Variants in PDE1C observed in about 807,000 individuals in gnomAD.
PDE1C encodes the protein phosphodiesterase 1C.
PDE1C carries 62 observed loss-of-function variants against 93.1 expected under a neutral mutation model. The observed-to-expected ratio is 0.67, with a 90% confidence interval of 0.54 to 0.82. The LOEUF is 0.82. Ranked by LOEUF, PDE1C falls within the 40% of genes least tolerant of loss-of-function variation. The pLI, the probability that PDE1C is intolerant of heterozygous loss-of-function variation, is 0.00. For synonymous variants in PDE1C, 325 were observed against 310.1 expected, an observed-to-expected ratio of 1.05 and a Z score of -0.50; for missense variants, 742 against 884.6, an observed-to-expected ratio of 0.84 and a Z score of 2.04.
At chr7:31,723,551 G>A in the PDE1C span, among the ~76,000 whole-genome samples, 1 of 152,114 alleles carries the variant, frequency 6.6e-6, no homozygotes, top group African/African-American at 2.4e-5. Flanking sequence ...TGTCCTGTTT[G>A]TAATAAGCTG....
chr7:32,374,640 G>A (rs1030923788), intron 1 of PDE1C, among the ~76,000 whole-genome samples: 5 of 152,240 alleles, frequency 3.3e-5, no homozygotes, highest in Admixed American at 1.3e-4. Flanking sequence ...GGACATTGTG[G>A]AGCACAGTCA....
At chr7:32,401,167 T>C (rs1784935359) in intron 1 of PDE1C, among the ~76,000 whole-genome samples, 1 of 152,246 alleles carries the variant, frequency 6.6e-6, no homozygotes, top group Non-Finnish European at 1.5e-5. Context: ...ATTTTATGTA[T>C]GTATGTATGT....
At chr7:31,701,852 A>G in the PDE1C span, among the ~76,000 whole-genome samples, 131 of 152,370 alleles carry the variant, frequency 8.6e-4, no homozygotes, top group African/African-American at 3.0e-3. Flanking sequence ...ATTTTTAAAG[A>G]CATAATGCTA....
chr7:31,621,139 C>T, the PDE1C span, among the ~76,000 whole-genome samples: 16 of 152,000 alleles, frequency 1.1e-4, no homozygotes, highest in Non-Finnish European at 8.8e-5. Flanking sequence ...GATTGGTGTA[C>T]CTGAAAGTGA....
At chr7:31,957,316 C>CA (rs1283011935) in intron 2 of PDE1C, among the ~76,000 whole-genome samples, 1 of 151,930 alleles carries the variant, frequency 6.6e-6, no homozygotes, top group Non-Finnish European at 1.5e-5. Context: ...AGCTATCAGG[C>CA]ACAAATATAA....
chr7:32,422,086 A>T (rs1330648847), intron 1 of PDE1C, among the ~76,000 whole-genome samples: 1 of 152,138 alleles, frequency 6.6e-6, no homozygotes. Flanking sequence ...CAGTTCCTAG[A>T]GGTAATGCCA....
intron 2 of PDE1C, among the ~76,000 whole-genome samples, chr7:31,918,951 T>A (rs1037902410): frequency 1.3e-5 from 2 of 152,220 alleles, no homozygotes; most frequent in African/African-American, 4.8e-5. Flanking sequence ...TGAATGGCAT[T>A]GCTTTTCTTC....
chr7:32,077,242 AAAAC>A (rs747476544), intron 3 of PDE1C, among the ~76,000 whole-genome samples: 8 of 152,184 alleles, frequency 5.3e-5, no homozygotes, highest in African/African-American at 1.7e-4. Context: ...TCTATCTTAA[AAAAC>A]AAACAAACAA....
chr7:32,140,130 T>C lies in PDE1C; in HGVS notation c.308+29655A>G, dbSNP rs566995659. Among the ~76,000 whole-genome samples, 203 of 152,344 alleles carry C rather than the reference T, an allele frequency of 1.3e-3. 4 individuals are homozygous for C. The South Asian group carries it at 0.04, about 30-fold the overall frequency. ...CCAAAGCATTCTGATGCAGTTGCCATCTATTAAGTGCTGGATAGGCACTTA... is the reference window on the plus strand; with the variant it reads ...CCAAAGCATTCTGATGCAGTTGCCACCTATTAAGTGCTGGATAGGCACTTA... On this transcript the variant is annotated intron_variant, in intron 3 of 18. Transcript: ENST00000396193.
the PDE1C span, among the ~76,000 whole-genome samples, chr7:31,743,109 C>CCTACCCT: frequency 6.6e-6 from 1 of 152,152 alleles, no homozygotes; most frequent in Non-Finnish European, 1.5e-5. Context: ...AATTTTTTCT[C>CCTACCCT]CTACCCTCTA....
intron 2 of PDE1C, among the ~76,000 whole-genome samples, chr7:31,988,717 C>G (rs1250018330): frequency 6.6e-6 from 1 of 152,130 alleles, no homozygotes; most frequent in African/African-American, 2.4e-5. Flanking sequence ...TAAATACAGG[C>G]TTGGCACAGT....
intron 2 of PDE1C, among the ~76,000 whole-genome samples, chr7:31,963,333 C>A (rs1809327057): frequency 6.6e-6 from 1 of 152,102 alleles, no homozygotes; most frequent in South Asian, 2.1e-4. Flanking sequence ...CAAATATCTG[C>A]TTGTTTGTTT....
At chr7:31,889,903 T>C (rs1798412112) in intron 2 of PDE1C, among the ~76,000 whole-genome samples, 1 of 152,222 alleles carries the variant, frequency 6.6e-6, no homozygotes, top group Non-Finnish European at 1.5e-5. Context: ...CTTGGCCTTA[T>C]AAATAAGTGT....
intron 17 of PDE1C, among the ~76,000 whole-genome samples, chr7:31,758,577 G>C (rs1337340194): frequency 1.3e-5 from 2 of 152,178 alleles, no homozygotes; most frequent in African/African-American, 2.4e-5. Flanking sequence ...ATGGCTACAA[G>C]CTCCTTAATA....
At chr7:32,335,912 T>C (rs919270405) in intron 1 of PDE1C, among the ~76,000 whole-genome samples, 3 of 152,214 alleles carry the variant, frequency 2.0e-5, no homozygotes, top group South Asian at 4.2e-4. Flanking sequence ...AAATTTTTTG[T>C]AGAAACAGGG....
chr7:32,308,015 C>T (rs759809855), intron 1 of PDE1C, among the ~76,000 whole-genome samples: 7 of 152,188 alleles, frequency 4.6e-5, no homozygotes, highest in African/African-American at 1.2e-4. Flanking sequence ...CTGGAAAATC[C>T]GGTCACTCCC....
intron 1 of PDE1C, among the ~76,000 whole-genome samples, chr7:32,068,412 G>A (rs1795651864): frequency 6.6e-6 from 1 of 152,148 alleles, no homozygotes; most frequent in African/African-American, 2.4e-5. Context: ...AGAAGAAGAA[G>A]AAGAAGTGGT....
chr7:32,024,366 T>C (rs981288682), intron 2 of PDE1C, among the ~76,000 whole-genome samples: 7 of 151,658 alleles, frequency 4.6e-5, no homozygotes, highest in African/African-American at 1.5e-4. Flanking sequence ...AAATTAAAGG[T>C]ATATACAGAT....
chr7:31,853,134 C>T (rs1427219882), intron 7 of PDE1C, among the ~76,000 whole-genome samples: 1 of 151,976 alleles, frequency 6.6e-6, no homozygotes, highest in East Asian at 1.9e-4. Flanking sequence ...CCCTCCTTAC[C>T]CAAATAATTG....
Sources: allele counts gnomAD v4.1 joint callset (sites outside exome capture counted in the v4.1 genomes callset), GRCh38; gene constraint gnomAD v4.1.1; transcripts MANE v1.5; gene names NCBI Gene and HGNC (gene_info 2026-07-23, HGNC 2026-07-21).